GRID2: variants seen among roughly 807,000 people sequenced by gnomAD.
The protein encoded by GRID2 is glutamate ionotropic receptor delta type subunit 2.
In GRID2, 33 loss-of-function variants were observed where a neutral mutation model predicts 114.8. The ratio of observed to expected loss-of-function variants is 0.29; its 90% CI spans 0.22 to 0.38. The LOEUF (loss-of-function observed/expected upper bound fraction) is 0.38. GRID2 is among the 10% of genes least tolerant of loss of function. The probability of loss-of-function intolerance (pLI) is 1.00; values close to 1 mark genes in which losing one functional copy is unlikely to be tolerated. For missense variants in GRID2, 1,184 were observed against 1,257.7 expected (o/e 0.94, Z 0.89); for synonymous variants, 505 against 449.9 (o/e 1.12, Z -1.55).
intron 13 of GRID2, among the ~76,000 whole-genome samples, chr4:93,516,241 T>C (rs1353246415): frequency 6.6e-6 from 1 of 152,180 alleles, no homozygotes. Flanking sequence ...TCCAAGTCTG[T>C]GTTTCCTGTT....
rs1356220044 is a variant in GRID2 at position 92,713,466 on chromosome 4, TATACATATAC to T, written c.244+123184_244+123193del. On this transcript the variant is annotated intron_variant, in intron 2 of 15. Coordinates refer to ENST00000282020, the MANE Select transcript of GRID2 (RefSeq NM_001510.4). ...CATAGACAGTTTACATATATTTACA[TATACATATAC>T]ATATATATATATATATATATATATA... is the stretch of plus-strand genomic sequence containing the variant. Among the ~76,000 whole-genome samples the T allele has an allele frequency of 3.1e-3, 290 of 94,922 alleles. 2 individuals are homozygous for T. Among genetic ancestry groups the T allele is most frequent in the African/African-American group, 0.011 (264 of 23,944 alleles). 62.3% of individuals were successfully genotyped at this position (94,922 alleles called of 152,430 possible). A position where few individuals can be genotyped will look rare whatever the true frequency, so the allele number is the denominator to read the frequency against.
intron 2 of GRID2, among the ~76,000 whole-genome samples, chr4:92,836,820 T>G (rs1578269570): frequency 6.6e-6 from 1 of 152,212 alleles, no homozygotes; most frequent in South Asian, 2.1e-4. Context: ...GACTACAAAA[T>G]AGTCCCATAG....
At chr4:92,584,291 T>TAG (rs1235344554) in intron 1 of GRID2, among the ~76,000 whole-genome samples, 1 of 152,010 alleles carries the variant, frequency 6.6e-6, no homozygotes, top group Non-Finnish European at 1.5e-5. Flanking sequence ...ATGCCATTTG[T>TAG]AGATGAAAAA....
intron 1 of GRID2, among the ~76,000 whole-genome samples, chr4:92,396,908 A>G (rs917231047): frequency 6.6e-6 from 1 of 152,126 alleles, no homozygotes; most frequent in Admixed American, 6.5e-5. Context: ...TCTCTGAAGC[A>G]TGGACAAACT....
At chr4:93,078,672 T>C (rs1187439148) in intron 2 of GRID2, among the ~76,000 whole-genome samples, 3 of 147,408 alleles carry the variant, frequency 2.0e-5, no homozygotes, top group African/African-American at 7.4e-5. Flanking sequence ...TATCTGTATA[T>C]TTAGTAAATA....
chr4:93,619,204 T>C (rs1741986602), intron 13 of GRID2, among the ~76,000 whole-genome samples: 1 of 152,204 alleles, frequency 6.6e-6, no homozygotes, highest in African/African-American at 2.4e-5. Flanking sequence ...CAAAACCATA[T>C]ATATTTTAAA....
intron 4 of GRID2, among the ~76,000 whole-genome samples, chr4:93,122,848 T>G (rs1733907726): frequency 6.8e-6 from 1 of 147,454 alleles, no homozygotes; most frequent in African/African-American, 2.5e-5. Context: ...TATAAGCTTG[T>G]ATTGAAAGGC....
intron 2 of GRID2, among the ~76,000 whole-genome samples, chr4:92,984,567 T>C (rs772535040): frequency 6.6e-5 from 10 of 152,190 alleles, no homozygotes; most frequent in Non-Finnish European, 1.2e-4. Context: ...TCTCACTTTG[T>C]TTTCACCATA....
At chr4:92,629,065 G>A (rs1224075243) in intron 2 of GRID2, among the ~76,000 whole-genome samples, 3 of 151,624 alleles carry the variant, frequency 2.0e-5, no homozygotes, top group African/African-American at 7.3e-5. Flanking sequence ...GGGCTCACTA[G>A]ATACAGTTAA....
chr4:92,621,844 A>G (rs1287009929), intron 2 of GRID2, among the ~76,000 whole-genome samples: 2 of 151,870 alleles, frequency 1.3e-5, no homozygotes, highest in African/African-American at 2.4e-5. Context: ...AGGTAAATAC[A>G]TAAGAATAGC....
Position 93,218,449 on chromosome 4 carries a change from A to G in GRID2, c.963+1538A>G, listed in dbSNP as rs149237034. On this transcript the variant is annotated intron_variant, in intron 6 of 15. Coordinates refer to ENST00000282020, the MANE Select transcript of GRID2 (RefSeq NM_001510.4). ...AGCCCTAGAGGTCGAGGCTGCAGTG[A>G]GCCAAGATTGTGCTACTGCACTCCA... is the stretch of plus-strand genomic sequence containing the variant. Among the ~76,000 whole-genome samples the G allele has an allele frequency of 4.9e-3, 752 of 152,222 alleles. 7 individuals are homozygous for G. Among genetic ancestry groups the G allele is most frequent in the African/African-American group, 0.017 (725 of 41,534 alleles).
At chr4:92,428,044 T>C (rs937985665) in intron 1 of GRID2, among the ~76,000 whole-genome samples, 2 of 151,998 alleles carry the variant, frequency 1.3e-5, no homozygotes, top group African/African-American at 2.4e-5. Context: ...GGGCGGATCA[T>C]GAGGTCAGGA....
chr4:93,399,851 G>A (rs1043331468), intron 9 of GRID2, among the ~76,000 whole-genome samples: 1 of 152,006 alleles, frequency 6.6e-6, no homozygotes, highest in Non-Finnish European at 1.5e-5. Context: ...AGTCTTTCAG[G>A]ACACAGAGGA....
At chr4:92,615,101 C>T (rs1229992885) in intron 2 of GRID2, among the ~76,000 whole-genome samples, 3 of 151,458 alleles carry the variant, frequency 2.0e-5, no homozygotes, top group Admixed American at 2.0e-4. Flanking sequence ...ACTAAAAGTC[C>T]AAGAACAATG....
chr4:93,352,632 T>C (rs1560529750), intron 8 of GRID2, among the ~76,000 whole-genome samples: 2 of 152,032 alleles, frequency 1.3e-5, no homozygotes, highest in African/African-American at 2.4e-5. Flanking sequence ...CTCTATTGAA[T>C]GATCTTAATA....
At position 92,373,079 on chromosome 4, in the gene GRID2, T is replaced by C. The variant is rs572920643; in HGVS notation, c.88+68335T>C. On this transcript the variant is annotated intron_variant, in intron 1 of 15. Transcript: ENST00000282020. ...GTGTTAGAAAGGACGTATTATAGGA[T>C]ACAGGTTCATGCTAGGTAATTTGGG... Among the ~76,000 whole-genome samples, 3 of 152,282 alleles carry C rather than the reference T, an allele frequency of 2.0e-5. No homozygotes were observed. In the East Asian group the frequency reaches 5.8e-4, roughly 29 times the overall value.
In GRID2 at chr4:92,530,110, A is replaced by G. The variant is rs544532722; in HGVS notation, c.89-60021A>G. Among the ~76,000 whole-genome samples the G allele has an allele frequency of 8.2e-4, 125 of 151,944 alleles. No homozygotes were observed. The Middle Eastern group carries it at 0.014, about 17-fold the overall frequency. ...TATCCTAACTTTACTCTAGGTACTG[A>G]TTTTATGCAGGGAAAGTTCCTTGTT... On this transcript the variant is annotated intron_variant, in intron 1 of 15. Transcript: ENST00000282020.
intron 4 of GRID2, among the ~76,000 whole-genome samples, chr4:93,127,560 C>G (rs182049110): frequency 6.6e-6 from 1 of 152,264 alleles, no homozygotes; most frequent in East Asian, 1.9e-4. Flanking sequence ...TACATATGTA[C>G]ACATGTATTT....
intron 2 of GRID2, among the ~76,000 whole-genome samples, chr4:92,638,553 T>C (rs188184686): frequency 1.2e-3 from 182 of 149,180 alleles, no homozygotes; most frequent in African/African-American, 3.8e-3. Flanking sequence ...ATTGACTCAT[T>C]AATGAATCAT....
Sources: gnomAD v4.1 joint callset for allele counts (sites outside exome capture counted in the v4.1 genomes callset) on GRCh38, gnomAD v4.1.1 for gene constraint, MANE v1.5 for transcripts, NCBI Gene and HGNC (gene_info 2026-07-23, HGNC 2026-07-21) for gene names.